BTAF1: variants seen among roughly 807,000 people sequenced by gnomAD.
BTAF1 encodes B-TFIID TATA-box binding protein associated factor 1, also known as TATA-binding protein-associated factor 172.
A neutral mutation model predicts 227.1 loss-of-function variants in BTAF1; 38 were observed. The ratio of observed to expected loss-of-function variants is 0.17; its 90% CI spans 0.13 to 0.22. BTAF1 has a LOEUF of 0.22. Ranked by LOEUF, BTAF1 falls within the 10% of genes least tolerant of loss-of-function variation. The probability of loss-of-function intolerance (pLI) is 1.00; values close to 1 mark genes in which losing one functional copy is unlikely to be tolerated. For missense variants in BTAF1, 1,598 were observed against 2,204.0 expected, an observed-to-expected ratio of 0.73 and a Z score of 5.51; for synonymous variants, 742 against 751.9, an observed-to-expected ratio of 0.99 and a Z score of 0.21.
intron 35 of BTAF1, among the ~76,000 whole-genome samples, chr10:92,025,223 A>G (rs1851415267): frequency 6.6e-6 from 1 of 152,184 alleles, no homozygotes; most frequent in African/African-American, 2.4e-5. Context: ...TAAGGCATCA[A>G]CCAACAGTAA....
chr10:92,011,945 T>C (rs967735235), intron 30 of BTAF1, among the ~76,000 whole-genome samples: 1 of 151,964 alleles, frequency 6.6e-6, no homozygotes, highest in Non-Finnish European at 1.5e-5. Context: ...CTAGCTTGGA[T>C]AGCAAACTTT....
intron 25 of BTAF1, among the ~76,000 whole-genome samples, chr10:92,000,293 T>C (rs1033841970): frequency 6.6e-6 from 1 of 152,168 alleles, no homozygotes; most frequent in African/African-American, 2.4e-5. Flanking sequence ...CCTTGGCCCT[T>C]TCTTAGCTTT....
chr10:91,929,678 A>C (rs1286012855), intron 1 of BTAF1, among the ~76,000 whole-genome samples: 3 of 152,176 alleles, frequency 2.0e-5, no homozygotes, highest in Non-Finnish European at 4.4e-5. Flanking sequence ...AATAAAGGAC[A>C]ACACAGGTTT....
intron 1 of BTAF1, among the ~76,000 whole-genome samples, chr10:91,933,923 G>A (rs73312376): frequency 6.6e-5 from 10 of 152,128 alleles, no homozygotes; most frequent in South Asian, 4.2e-4. Context: ...GATAGAAGGG[G>A]GATGGTATCA....
At chr10:91,986,273 G>T (rs1421319893) in intron 19 of BTAF1, among the ~76,000 whole-genome samples, 4 of 152,154 alleles carry the variant, frequency 2.6e-5, no homozygotes, top group Non-Finnish European at 5.9e-5. Context: ...ATATAAGTAT[G>T]CTGTGTATCT....
In BTAF1 at chr10:91,994,657, T is replaced by A. The variant is rs374856888; in HGVS notation, c.3309+13T>A. Reference sequence around the variant, plus strand: ...GCTTCATCCCTTGGTAACTAACTAATGCAAGTGTAATATTTCTTCAAATAA... The same window carrying A: ...GCTTCATCCCTTGGTAACTAACTAAAGCAAGTGTAATATTTCTTCAAATAA... On this transcript the variant is annotated intron_variant, in intron 23 of 37. Coordinates refer to ENST00000265990, the MANE Select transcript of BTAF1 (RefSeq NM_003972.3). 1.1e-5 allele frequency: 17 copies of A among 1,583,890 alleles called. No individual in the cohort carries two copies. Among genetic ancestry groups the A allele is most frequent in the Middle Eastern group, 1.7e-4 (1 of 5,996 alleles).
At chr10:91,972,554 A>G (rs1333098543) in intron 14 of BTAF1, among the ~76,000 whole-genome samples, 2 of 152,184 alleles carry the variant, frequency 1.3e-5, no homozygotes, top group African/African-American at 2.4e-5. Context: ...TTTAATTTTT[A>G]TTGTTAATCT....
intron 25 of BTAF1, among the ~76,000 whole-genome samples, chr10:92,006,939 A>G (rs549838365): frequency 6.0e-4 from 92 of 152,298 alleles, no homozygotes; most frequent in African/African-American, 2.0e-3. Flanking sequence ...TGAAACATCA[A>G]CCACAAACAG....
chr10:92,018,258 A>G (rs1225098559), intron 33 of BTAF1, among the ~76,000 whole-genome samples: 1 of 151,880 alleles, frequency 6.6e-6, no homozygotes, highest in East Asian at 1.9e-4. Flanking sequence ...TAATTTTTGT[A>G]TTTTTAGTAG....
chr10:92,025,670 G>A (rs1005332974), intron 35 of BTAF1, among the ~76,000 whole-genome samples: 2 of 152,010 alleles, frequency 1.3e-5, no homozygotes, highest in African/African-American at 4.8e-5. Context: ...AGCTGGATGT[G>A]GTGGCACATG....
intron 35 of BTAF1, 123 bp downstream of exon 35, chr10:92,025,090 A>C (rs556789999): frequency 5.9e-5 from 46 of 786,170 alleles, no homozygotes; most frequent in Non-Finnish European, 8.8e-5. Context: ...TGTGTAATTC[A>C]CCCCAAATAA....
chr10:91,975,491 C>A (rs567384961), intron 14 of BTAF1, among the ~76,000 whole-genome samples: 1 of 152,172 alleles, frequency 6.6e-6, no homozygotes, highest in South Asian at 2.1e-4. Context: ...ATGAATAGAA[C>A]AAGGCATTAT....
intron 35 of BTAF1, among the ~76,000 whole-genome samples, chr10:92,025,810 C>CAAAAAAAAA (rs71025383): frequency 2.3e-5 from 2 of 86,904 alleles, no homozygotes; most frequent in African/African-American, 9.3e-5. Context: ...GACTCTGTCT[C>CAAAAAAAAA]AAAAAAAAAA....
Position 91,973,670 on chromosome 10 carries a change from C to T in BTAF1, c.1651-6784C>T, listed in dbSNP as rs570207242. ...CTGTAATCCCAGCACTTTGGGAGGC[C>T]GAGGCGGGCGGATCACGAGGTCAGG... On this transcript the variant is annotated intron_variant, in intron 14 of 37. Coordinates refer to ENST00000265990, the MANE Select transcript of BTAF1 (RefSeq NM_003972.3). Among the ~76,000 whole-genome samples the T allele has an allele frequency of 5.6e-3, 843 of 151,796 alleles. 11 individuals carry two copies. Among genetic ancestry groups the T allele is most frequent in the African/African-American group, 0.019 (803 of 41,422 alleles).
At chr10:91,936,413 C>CAATATGATTGCCCAGATATGGGGAGA (rs1844614358) in intron 2 of BTAF1, among the ~76,000 whole-genome samples, 1 of 152,100 alleles carries the variant, frequency 6.6e-6, no homozygotes, top group Non-Finnish European at 1.5e-5. Context: ...GGTAGGGGAG[C>CAATATGATTGCCCAGATATGGGGAGA]AATATGATTG....
At chr10:91,942,331 T>TGTGTGTGTG in intron 3 of BTAF1, 91 bp from the exon 4 acceptor site, 2 of 924,958 alleles carry the variant, frequency 2.2e-6, no homozygotes, top group Non-Finnish European at 1.6e-6. Flanking sequence ...TGTGTGTGTG[T>TGTGTGTGTG]AACCCATGCA....
intron 34 of BTAF1, 48 bp downstream of exon 34, chr10:92,018,983 T>A (rs780865015): frequency 7.2e-7 from 1 of 1,385,146 alleles, no homozygotes; most frequent in South Asian, 2.0e-5. Flanking sequence ...CCCAGGAATA[T>A]AAATTCTTGG....
At chr10:91,958,802 C>T (rs540902136) in intron 8 of BTAF1, among the ~76,000 whole-genome samples, 16 of 152,164 alleles carry the variant, frequency 1.1e-4, no homozygotes, top group Admixed American at 9.2e-4. Context: ...GGAGTGAAAG[C>T]AATGTGGATT....
At chr10:91,992,410 G>A in intron 21 of BTAF1, 101 bp downstream of exon 21, 4 of 1,133,554 alleles carry the variant, frequency 3.5e-6, no homozygotes, top group Non-Finnish European at 4.8e-6. Flanking sequence ...TTGTTTTTAA[G>A]TAAAGAAATG....
Sources: allele counts gnomAD v4.1 joint callset (sites outside exome capture counted in the v4.1 genomes callset), GRCh38; gene constraint gnomAD v4.1.1; transcripts MANE v1.5; gene names NCBI Gene and HGNC (gene_info 2026-07-23, HGNC 2026-07-21).